Variants in KDM2B observed in about 807,000 individuals in gnomAD.
The protein encoded by KDM2B is lysine demethylase 2B.
In KDM2B, 26 loss-of-function variants were observed where a neutral mutation model predicts 150.0. That is an observed-to-expected ratio of 0.17 (90% confidence interval 0.13 to 0.24). The LOEUF (loss-of-function observed/expected upper bound fraction) is 0.24. Among genes scored for constraint, KDM2B ranks in the 10% least tolerant of loss-of-function variants. The probability of loss-of-function intolerance (pLI) is 1.00; values close to 1 mark genes in which losing one functional copy is unlikely to be tolerated. For missense variants in KDM2B, 1,265 were observed against 1,816.9 expected (o/e 0.70, Z 5.52); for synonymous variants, 734 against 729.5 (o/e 1.01, Z -0.10).
the KDM2B span, among the ~76,000 whole-genome samples, chr12:121,422,928 G>C: frequency 6.6e-6 from 1 of 152,108 alleles, no homozygotes; most frequent in African/African-American, 2.4e-5. Context: ...GGGAACTAAG[G>C]CTCCTTTTCC....
chr12:121,467,222 G>T lies in KDM2B; in HGVS notation c.1735-13878C>A. The T allele has an allele frequency of 9.3e-7, 1 of 1,074,842 alleles. No homozygotes were observed. The highest frequency in any genetic ancestry group is 1.1e-6 in the Non-Finnish European group (1 of 875,482). The allele number at this position is 1,074,842 out of a possible 1,614,324, so 66.6% of individuals were successfully genotyped here. A position where few individuals can be genotyped will look rare whatever the true frequency, so the allele number is the denominator to read the frequency against. ...CACGGACATGGCCATGGCTCATGGTGGGCCCAGGCTCGCGCGCGCTGACAT... is the reference window on the plus strand; with the variant it reads ...CACGGACATGGCCATGGCTCATGGTTGGCCCAGGCTCGCGCGCGCTGACAT... On this transcript the variant is annotated intron_variant, in intron 12 of 22. Coordinates refer to ENST00000377071, the MANE Select transcript of KDM2B (RefSeq NM_032590.5). This position sits in a 1 kb window ranked among gnomAD's most constrained non-coding sequence, Gnocchi z 5.1.
At chr12:121,448,463 C>T (rs1332899710) in intron 13 of KDM2B, among the ~76,000 whole-genome samples, 2 of 151,118 alleles carry the variant, frequency 1.3e-5, no homozygotes, top group African/African-American at 4.9e-5. Context: ...CTTTAGGGTC[C>T]TCATAATTTT....
At chr12:121,497,438 A>G (rs1326992283) in intron 11 of KDM2B, among the ~76,000 whole-genome samples, 1 of 151,896 alleles carries the variant, frequency 6.6e-6, no homozygotes, top group African/African-American at 2.4e-5. Context: ...CTGAGTAGCT[A>G]GGATTACAGG....
chr12:121,567,544 C>T (rs576832968), intron 4 of KDM2B, among the ~76,000 whole-genome samples: 47 of 151,718 alleles, frequency 3.1e-4, no homozygotes, highest in Non-Finnish European at 6.2e-4. Context: ...CCCGTCTCTA[C>T]AAAAAAGAAT....
At position 121,572,400 on chromosome 12, in the gene KDM2B, TCTCA is replaced by T. The variant is rs777271396; in HGVS notation, c.397+2143_397+2146del. Among the ~76,000 whole-genome samples, 168 of 152,154 alleles carry T rather than the reference TCTCA, an allele frequency of 1.1e-3. 1 individual carries two copies. Among genetic ancestry groups the T allele is most frequent in the Non-Finnish European group, 1.8e-3 (120 of 67,998 alleles). On this transcript the variant is annotated intron_variant, in intron 4 of 22. Transcript: ENST00000377071. ...GCCTCTGCCACCTCTTCTGCCACTT[TCTCA>T]CTCACTCACTCACTCAGTTCCGCAC...
At chr12:121,556,580 A>G (rs1239064200) in intron 4 of KDM2B, among the ~76,000 whole-genome samples, 1 of 152,092 alleles carries the variant, frequency 6.6e-6, no homozygotes, top group Non-Finnish European at 1.5e-5. Flanking sequence ...GCTGGGCACC[A>G]TGGCTCAAGC....
intron 8 of KDM2B, among the ~76,000 whole-genome samples, chr12:121,531,207 C>G (rs1887637688): frequency 1.3e-5 from 2 of 152,150 alleles, no homozygotes; most frequent in Non-Finnish European, 2.9e-5. Context: ...GGTCCCTTCC[C>G]TGAGCCAAGC....
At position 121,463,183 on chromosome 12, in the gene KDM2B, C is replaced by T. The variant is rs542802159; in HGVS notation, c.1735-9839G>A. On this transcript the variant is annotated intron_variant, in intron 12 of 22. Transcript: ENST00000377071. ...TACAAAAATTAGCCAGCCATGGTGG[C>T]GCACACCTGTAGTCCTAGCCACTCA... Among the ~76,000 whole-genome samples, 271 of 152,064 alleles carry T rather than the reference C, an allele frequency of 1.8e-3. 1 individual carries two copies. The highest frequency in any genetic ancestry group is 3.1e-3 in the Non-Finnish European group (210 of 68,018).
At position 121,448,255 on chromosome 12, in the gene KDM2B, G is replaced by A. The variant is rs565933197; in HGVS notation, c.1960-2837C>T. 3.4e-5 allele frequency among the ~76,000 whole-genome samples: 5 copies of A among 145,030 alleles called. No individual in the cohort carries two copies. The East Asian group carries it at 6.1e-4, about 18-fold the overall frequency. On this transcript the variant is annotated intron_variant, in intron 13 of 22. Coordinates refer to ENST00000377071, the MANE Select transcript of KDM2B (RefSeq NM_032590.5). ...GGACTGCTTGAGCCCAGGAGGTAGA[G>A]GCTGCAGTGAGCCACGAGCACACCA...
At chr12:121,501,097 T>A (rs577176234) in intron 11 of KDM2B, among the ~76,000 whole-genome samples, 52 of 152,072 alleles carry the variant, frequency 3.4e-4, no homozygotes, top group African/African-American at 1.2e-3. Context: ...CAAGATTCCA[T>A]CTCAAAAAAA....
rs555720049 is a variant in KDM2B at position 121,484,468 on chromosome 12, C to T, written c.1734+10111G>A. On this transcript the variant is annotated intron_variant, in intron 12 of 22. Coordinates refer to ENST00000377071, the MANE Select transcript of KDM2B (RefSeq NM_032590.5). ...GAAGTCAGGAGAGTCTACGGCACAG[C>T]GACAGATGGCGACTTGGGCACTCAA... Among the ~76,000 whole-genome samples the T allele has an allele frequency of 1.4e-3, 209 of 152,220 alleles. 1 individual carries two copies. Among genetic ancestry groups the T allele is most frequent in the Admixed American group, 3.6e-3 (55 of 15,280 alleles).
At chr12:121,414,499 A>AG in the KDM2B span, among the ~76,000 whole-genome samples, 1 of 152,214 alleles carries the variant, frequency 6.6e-6, no homozygotes. Flanking sequence ...GGTGGCTCAA[A>AG]GAGAGGGAAG....
At position 121,509,958 on chromosome 12, in the gene KDM2B, G is replaced by A. The variant is rs146581489; in HGVS notation, c.1256C>T (p.Pro419Leu). 290 of 1,610,438 alleles carry A rather than the reference G, an allele frequency of 1.8e-4. No individual in the cohort carries two copies. In the African/African-American group the frequency reaches 3.2e-3, roughly 18 times the overall value. Residue 419 changes from proline (P) to leucine (L), a missense_variant, in exon 11 of 23, where the codon CCT becomes CTT. Pro to Leu is a moderately conservative substitution (Grantham distance 98). Transcript: ENST00000377071. ...CTCGTCCTTCTCCTCCTCCTCCTGA[G>A]GCTGCTGATCACAGGCCTCCTCCTC... is the stretch of plus-strand genomic sequence containing the variant. ...EMEEEACDQQ[P>L]QEEEEKDEEG...
At position 121,533,036 on chromosome 12, in the gene KDM2B, C is replaced by T. The variant is rs1308910397; in HGVS notation, c.778-77G>A. The stretch of plus-strand genomic sequence containing the variant: ...CAGAGAGAGGGCCCCACCTGCCTGG[C>T]GGAAGGGGAGGGGGCGAGACAAGCT... On this transcript the variant is annotated intron_variant, in intron 7 of 22. Transcript: ENST00000377071. The surrounding 1 kb of genome is among the most constrained non-coding windows in gnomAD (Gnocchi z 4.1). 6 of 1,493,518 alleles carry T rather than the reference C, an allele frequency of 4.0e-6. No individual in the cohort carries two copies. In the African/African-American group the frequency reaches 5.5e-5, roughly 14 times the overall value. The allele number at this position is 1,493,518 out of a possible 1,614,324, so 92.5% of individuals were successfully genotyped here. A position where few individuals can be genotyped will look rare whatever the true frequency, so the allele number is the denominator to read the frequency against.
intron 4 of KDM2B, among the ~76,000 whole-genome samples, chr12:121,551,752 C>T (rs1555311843): frequency 6.6e-6 from 1 of 151,948 alleles, no homozygotes; most frequent in Non-Finnish European, 1.5e-5. Context: ...GGAGTTTCGC[C>T]ATATTGGCCA....
intron 22 of KDM2B, among the ~76,000 whole-genome samples, chr12:121,438,269 A>G (rs1874346085): frequency 6.6e-6 from 1 of 151,404 alleles, no homozygotes; most frequent in Non-Finnish European, 1.5e-5. Flanking sequence ...AAAAAAAAAA[A>G]GAATGCAGAG....
Position 121,549,645 on chromosome 12 carries a change from G to A in KDM2B, c.398-7C>T, listed in dbSNP as rs370728260. The stretch of plus-strand genomic sequence containing the variant: ...TCCACAAGCCGCCGGCTCCCTGGAG[G>A]CAGAAGCCACACACTGGTTGTTCCT... On this transcript the variant is annotated splice_polypyrimidine_tract_variant and splice_region_variant and intron_variant, in intron 4 of 22. Transcript: ENST00000377071. This position sits in a 1 kb window ranked among gnomAD's most constrained non-coding sequence, Gnocchi z 4.4. The A allele has an allele frequency of 1.7e-5, 27 of 1,565,430 alleles. No homozygotes were observed. The highest frequency in any genetic ancestry group is 4.0e-5 in the African/African-American group (3 of 74,106).
chr12:121,534,266 A>G (rs565210482), intron 7 of KDM2B, among the ~76,000 whole-genome samples: 16 of 151,530 alleles, frequency 1.1e-4, no homozygotes, highest in South Asian at 2.1e-4. Flanking sequence ...GGAGAATGGC[A>G]TGAACCCAGG....
intron 9 of KDM2B, chr12:121,516,602 G>T: frequency 1.7e-6 from 2 of 1,196,308 alleles, no homozygotes; most frequent in South Asian, 1.5e-5. Context: ...ACCAACGTCA[G>T]TCCAAAACAA....
Sources: allele counts gnomAD v4.1 joint callset (sites outside exome capture counted in the v4.1 genomes callset), GRCh38; gene constraint gnomAD v4.1.1; non-coding constraint Gnocchi (gnomAD v3.1); transcripts MANE v1.5; gene names NCBI Gene and HGNC (gene_info 2026-07-23, HGNC 2026-07-21).